Variants in SRFBP1 observed in about 807,000 individuals in gnomAD.
The protein encoded by SRFBP1 is serum response factor binding protein 1, also known as serum response factor-binding protein 1.
SRFBP1 carries 47 observed loss-of-function variants against 45.5 expected under a neutral mutation model. The observed-to-expected ratio is 1.03, with a 90% CI of 0.82 to 1.32. The LOEUF is 1.32. Ranked by LOEUF, SRFBP1 falls within the 40% of genes most tolerant of loss-of-function variation. SRFBP1 has a pLI of 0.00. For missense variants in SRFBP1, 621 were observed against 484.6 expected, an observed-to-expected ratio of 1.28 and a Z score of -2.64; for synonymous variants, 203 against 166.3, an observed-to-expected ratio of 1.22 and a Z score of -1.70.
chr5:122,033,117 GTATCAATTTTTTGAA>G (rs1270568962), downstream of SRFBP1, among the ~76,000 whole-genome samples: 3 of 150,214 alleles, frequency 2.0e-5, no homozygotes, highest in Non-Finnish European at 4.4e-5. Flanking sequence ...GACCACTTTT[GTATCAATTTTTTGAA>G]TTTTTTTTTT....
In SRFBP1 at chr5:122,027,203, C is replaced by A; in HGVS notation, c.*77C>A. On this transcript the variant is annotated 3_prime_UTR_variant, in exon 8 of 8. Coordinates refer to ENST00000339397, the MANE Select transcript of SRFBP1 (RefSeq NM_152546.3). ...TAAGACAGGATCTCATTCTGTTGCC[C>A]AGACTAGAGTACAATATTGCAATCA... 2 of 1,193,542 alleles carry A rather than the reference C, an allele frequency of 1.7e-6. No individual in the cohort carries two copies. Among genetic ancestry groups the A allele is most frequent in the Non-Finnish European group, 2.4e-6 (2 of 850,132 alleles). 73.9% of individuals were successfully genotyped at this position (1,193,542 alleles called of 1,614,324 possible).
chr5:121,980,716 TGG>T (rs1342275998), intron 3 of SRFBP1, among the ~76,000 whole-genome samples: 1 of 152,012 alleles, frequency 6.6e-6, no homozygotes, highest in East Asian at 1.9e-4. Flanking sequence ...TTCGAATAAG[TGG>T]TTGTTTGAAT....
At chr5:122,021,014 G>T (rs1271311826) in intron 6 of SRFBP1, among the ~76,000 whole-genome samples, 1 of 152,140 alleles carries the variant, frequency 6.6e-6, no homozygotes, top group East Asian at 1.9e-4. Flanking sequence ...AAAATGAGAT[G>T]TTATAGCCAA....
intron 2 of SRFBP1, among the ~76,000 whole-genome samples, chr5:122,068,411 T>C (rs1035874984): frequency 2.6e-5 from 4 of 152,162 alleles, no homozygotes; most frequent in African/African-American, 7.2e-5. Context: ...ACCAAACTTA[T>C]AGCAAAGGTC....
At chr5:121,969,435 G>A (rs1752143166) in intron 1 of SRFBP1, among the ~76,000 whole-genome samples, 1 of 151,774 alleles carries the variant, frequency 6.6e-6, no homozygotes, top group Non-Finnish European at 1.5e-5. Flanking sequence ...TCCTTGAGCT[G>A]GACACTGCCA....
intron 1 of SRFBP1, among the ~76,000 whole-genome samples, chr5:121,965,068 C>G (rs1237811519): frequency 1.3e-5 from 2 of 152,022 alleles, no homozygotes. Context: ...TGTTTAAGTT[C>G]TTTGTAGATT....
In SRFBP1 at chr5:122,006,564, C is replaced by T. The variant is rs917616109; in HGVS notation, c.270+11894C>T. ...TCTTTTGATGCTGTTCCATAAATCT[C>T]ATAAATTTAATTCATTCCTTTTCAT... On this transcript the variant is annotated intron_variant, in intron 4 of 7. Coordinates refer to ENST00000339397, the MANE Select transcript of SRFBP1 (RefSeq NM_152546.3). 3.3e-5 allele frequency among the ~76,000 whole-genome samples: 5 copies of T among 152,056 alleles called. No homozygotes were observed. The East Asian group carries it at 7.7e-4, about 23-fold the overall frequency.
At chr5:121,988,984 A>G (rs1012916087) in intron 3 of SRFBP1, among the ~76,000 whole-genome samples, 3 of 152,210 alleles carry the variant, frequency 2.0e-5, no homozygotes, top group Admixed American at 6.5e-5. Context: ...GAGTATTTGC[A>G]GTTATATTCA....
chr5:122,062,325 G>A (rs1285606998), intron 2 of SRFBP1, among the ~76,000 whole-genome samples: 1 of 151,872 alleles, frequency 6.6e-6, no homozygotes, highest in Non-Finnish European at 1.5e-5. Context: ...AAATTACTAC[G>A]ATGAAAGTGA....
At chr5:122,021,983 C>T (rs1029455521) in intron 6 of SRFBP1, among the ~76,000 whole-genome samples, 1 of 151,914 alleles carries the variant, frequency 6.6e-6, no homozygotes, top group Admixed American at 6.6e-5. Flanking sequence ...CGTGACCCAC[C>T]GTGCCCCGCC....
At chr5:121,980,057 A>G (rs1009275253) in intron 3 of SRFBP1, among the ~76,000 whole-genome samples, 1 of 152,072 alleles carries the variant, frequency 6.6e-6, no homozygotes, top group African/African-American at 2.4e-5. Context: ...AAACAGCATC[A>G]CCTCCCTTTG....
rs935481426 is a variant in SRFBP1 at position 122,018,915 on chromosome 5, CTTAA to C, written c.271-341_271-338del. The stretch of plus-strand genomic sequence containing the variant: ...GATTCTTTGATATTAATTTAGTCTT[CTTAA>C]TTAGATTGTTCAAGCTCTTTGATAG... On this transcript the variant is annotated intron_variant, in intron 4 of 7. Coordinates refer to ENST00000339397, the MANE Select transcript of SRFBP1 (RefSeq NM_152546.3). 2.2e-4 allele frequency among the ~76,000 whole-genome samples: 34 copies of C among 152,074 alleles called. 1 individual carries two copies. The highest frequency in any genetic ancestry group is 2.2e-3 in the Admixed American group (34 of 15,268).
Position 122,022,272 on chromosome 5 carries a change from C to T in SRFBP1, c.1068-98C>T, listed in dbSNP as rs562768797. On this transcript the variant is annotated intron_variant, in intron 6 of 7. Coordinates refer to ENST00000339397, the MANE Select transcript of SRFBP1 (RefSeq NM_152546.3). ...CTGGTGTGACTAAGGAGTATAGTGG[C>T]CCTTTGAATTAGTTTTATCATCAAT... is the stretch of plus-strand genomic sequence containing the variant. 2.8e-4 allele frequency: 257 copies of T among 930,504 alleles called. 1 individual carries two copies. The African/African-American group carries it at 4.0e-3, about 14-fold the overall frequency. The allele number at this position is 930,504 out of a possible 1,614,324, so 57.6% of individuals were successfully genotyped here. A position where few individuals can be genotyped will look rare whatever the true frequency, so the allele number is the denominator to read the frequency against.
At chr5:122,070,994 T>C (rs1754433971) in intron 2 of SRFBP1, among the ~76,000 whole-genome samples, 1 of 152,178 alleles carries the variant, frequency 6.6e-6, no homozygotes, top group African/African-American at 2.4e-5. Flanking sequence ...TACCTTCTTG[T>C]GCTTTGAACG....
rs551504899 is a variant in SRFBP1 at position 121,965,570 on chromosome 5, C to G, written c.36+3502C>G. 8.5e-5 allele frequency among the ~76,000 whole-genome samples: 13 copies of G among 152,262 alleles called. No homozygotes were observed. The East Asian group carries it at 9.7e-4, about 11-fold the overall frequency. ...CTATATATCTGTTTTGGTACCAGTA[C>G]CATGCTGTTTTGGTTACTATAGCCT... On this transcript the variant is annotated intron_variant, in intron 1 of 7. Transcript: ENST00000339397.
chr5:121,968,335 G>A (rs1752116825), intron 1 of SRFBP1, among the ~76,000 whole-genome samples: 1 of 151,870 alleles, frequency 6.6e-6, no homozygotes, highest in Non-Finnish European at 1.5e-5. Flanking sequence ...GTGGGATGGA[G>A]TAGTACAGTG....
At chr5:122,070,456 G>A in intron 2 of SRFBP1, 1 of 1,122,510 alleles carries the variant, frequency 8.9e-7, no homozygotes, top group Non-Finnish European at 1.3e-6. Flanking sequence ...CTATTGATCT[G>A]CAATATCAAT....
At position 122,026,248 on chromosome 5, in the gene SRFBP1, C is replaced by T. The variant is rs150030311; in HGVS notation, c.1106-694C>T. Among the ~76,000 whole-genome samples, 182 of 152,300 alleles carry T rather than the reference C, an allele frequency of 1.2e-3. 2 individuals carry two copies. The East Asian group carries it at 0.029, about 24-fold the overall frequency. ...TAAGCAACTAAAATGTGCATTGATG[C>T]ATATCTTTTCATACTAGTGTATCTT... On this transcript the variant is annotated intron_variant, in intron 7 of 7. Transcript: ENST00000339397.
intron 3 of SRFBP1, among the ~76,000 whole-genome samples, chr5:121,993,850 TG>T (rs1752664318): frequency 6.6e-6 from 1 of 152,026 alleles, no homozygotes; most frequent in East Asian, 1.9e-4. Context: ...TAATTCCAGG[TG>T]GAAGGGCCTT....
Sources: allele counts gnomAD v4.1 joint callset (sites outside exome capture counted in the v4.1 genomes callset), GRCh38; gene constraint gnomAD v4.1.1; transcripts MANE v1.5; gene names NCBI Gene and HGNC (gene_info 2026-07-23, HGNC 2026-07-21).